The following EPB41L4A variants were observed in gnomAD, a reference collection of about 807,000 sequenced individuals.
EPB41L4A encodes the protein band 4.1-like protein 4A.
Under a neutral mutation model 108.6 loss-of-function variants are expected in EPB41L4A, and 100 were observed. That is an observed-to-expected ratio of 0.92 (90% CI 0.78 to 1.09). The LOEUF (loss-of-function observed/expected upper bound fraction) is 1.09. Among genes scored for constraint, EPB41L4A ranks in the 50% least tolerant of loss-of-function variants. The pLI is 0.00. For synonymous variants in EPB41L4A, 319 were observed against 289.0 expected (o/e 1.10, Z -1.05); for missense variants, 1,030 against 842.7 (o/e 1.22, Z -2.75).
chr5:112,291,233 C>T (rs1753618291), intron 2 of EPB41L4A, among the ~76,000 whole-genome samples: 1 of 152,132 alleles, frequency 6.6e-6, no homozygotes, highest in African/African-American at 2.4e-5. Context: ...CCCACCTTTC[C>T]ACTTCATCAC....
At chr5:112,147,978 G>A (rs1040720954) in intron 12 of EPB41L4A, among the ~76,000 whole-genome samples, 3 of 151,744 alleles carry the variant, frequency 2.0e-5, no homozygotes, top group Non-Finnish European at 4.4e-5. Context: ...GGTGGAGGCT[G>A]CAGTGAGCTG....
At chr5:112,209,218 G>C (rs562885534) in intron 13 of EPB41L4A, among the ~76,000 whole-genome samples, 3 of 152,226 alleles carry the variant, frequency 2.0e-5, no homozygotes, top group African/African-American at 4.8e-5. Context: ...CCCCTATAGA[G>C]AAAGTGAGCT....
chr5:112,279,467 G>A (rs78126926), intron 3 of EPB41L4A, among the ~76,000 whole-genome samples: 1 of 152,334 alleles, frequency 6.6e-6, no homozygotes, highest in African/African-American at 2.4e-5. Context: ...GGGGAACAGA[G>A]TTTCAGTTTA....
At chr5:112,153,853 G>C (rs144315992) in intron 12 of EPB41L4A, among the ~76,000 whole-genome samples, 1 of 150,830 alleles carries the variant, frequency 6.6e-6, no homozygotes, top group East Asian at 1.9e-4. Flanking sequence ...AAATCTTATA[G>C]TTTTATTACT....
chr5:112,381,143 A>G (rs1013132877), intron 1 of EPB41L4A, among the ~76,000 whole-genome samples: 1 of 152,198 alleles, frequency 6.6e-6, no homozygotes, highest in South Asian at 2.1e-4. Flanking sequence ...TCAAGACTAT[A>G]ATACTGCTTC....
In EPB41L4A at chr5:112,250,494, A is replaced by C. The variant is rs1188936072; in HGVS notation, c.795+8735T>G. 2.0e-5 allele frequency: 3 copies of C among 152,290 alleles called. No homozygotes were observed. In the South Asian group the frequency reaches 6.2e-4, roughly 32 times the overall value. The allele number at this position is 152,290 out of a possible 1,614,324, so 9.4% of individuals were successfully genotyped here. A position where few individuals can be genotyped will look rare whatever the true frequency, so the allele number is the denominator to read the frequency against. On this transcript the variant is annotated intron_variant, in intron 9 of 22. Transcript: ENST00000261486. ...TGCAGATTGATTTAATTTTTGTTTT[A>C]ATGATAACTAACTTTTATTCCCAAT...
At chr5:112,240,091 C>A (rs1749660913) in intron 10 of EPB41L4A, among the ~76,000 whole-genome samples, 1 of 152,168 alleles carries the variant, frequency 6.6e-6, no homozygotes, top group African/African-American at 2.4e-5. Flanking sequence ...GTTGCCAGCA[C>A]CTTATTCATC....
At chr5:112,415,741 CAGAT>C (rs1201238200) in intron 1 of EPB41L4A, among the ~76,000 whole-genome samples, 14 of 152,118 alleles carry the variant, frequency 9.2e-5, no homozygotes. Flanking sequence ...GAATAAACAA[CAGAT>C]AGCAGCAAAA....
At chr5:112,197,054 G>A (rs1387912229) in intron 15 of EPB41L4A, 1 of 152,152 alleles carries the variant, frequency 6.6e-6, no homozygotes, top group Non-Finnish European at 1.5e-5. Flanking sequence ...CCCTCCACCA[G>A]TGCTTTGTGG....
rs149154881 is a variant in EPB41L4A at position 112,297,459 on chromosome 5, T to C, written c.204+9927A>G. On this transcript the variant is annotated intron_variant, in intron 2 of 22. Transcript: ENST00000261486. ...TCTTCTTTCGAGAATTGTCCACTCA[T>C]GTCCTTAGTCTACTTTTTGATGGGA... Among the ~76,000 whole-genome samples the C allele has an allele frequency of 9.2e-5, 14 of 152,262 alleles. No individual in the cohort carries two copies. In the East Asian group the frequency reaches 2.7e-3, roughly 29 times the overall value.
At chr5:112,321,042 C>T (rs188206998) in intron 1 of EPB41L4A, among the ~76,000 whole-genome samples, 1 of 152,298 alleles carries the variant, frequency 6.6e-6, no homozygotes, top group East Asian at 1.9e-4. Flanking sequence ...ATCGAGACTT[C>T]AGGGTGTTCA....
chr5:112,326,469 T>TA (rs35211420), intron 1 of EPB41L4A, among the ~76,000 whole-genome samples: 1 of 152,192 alleles, frequency 6.6e-6, no homozygotes, highest in South Asian at 2.1e-4. Flanking sequence ...ATAATTTTAG[T>TA]AAAAAACACT....
intron 14 of EPB41L4A, among the ~76,000 whole-genome samples, chr5:112,205,157 T>C (rs1762411999): frequency 6.6e-6 from 1 of 152,244 alleles, no homozygotes; most frequent in Non-Finnish European, 1.5e-5. Context: ...CAGAAATATA[T>C]TACCTTACAG....
chr5:112,270,058 T>A (rs1752152261), intron 4 of EPB41L4A, among the ~76,000 whole-genome samples: 1 of 152,174 alleles, frequency 6.6e-6, no homozygotes, highest in Admixed American at 6.5e-5. Flanking sequence ...GTACAAGTTG[T>A]TGAGGACCAT....
chr5:112,408,020 C>A (rs1052042837), intron 1 of EPB41L4A, among the ~76,000 whole-genome samples: 1 of 152,110 alleles, frequency 6.6e-6, no homozygotes. Context: ...TCTACCTTAC[C>A]AAGGAACTAG....
Position 112,167,123 on chromosome 5 carries a change from C to CAAAAAAAAAAAAAAAAAAA in EPB41L4A, c.1932+1615_1932+1616insTTTTTTTTTTTTTTTTTTT, listed in dbSNP as rs10642511. ...TATTGAAACCAACTAAAATTTAAGA[C>CAAAAAAAAAAAAAAAAAAA]AAAAAAAAAAAAAAAAACACCGAAA... is the stretch of plus-strand genomic sequence containing the variant. On this transcript the variant is annotated intron_variant, in intron 22 of 22. Coordinates refer to ENST00000261486, the MANE Select transcript of EPB41L4A (RefSeq NM_022140.5). Among the ~76,000 whole-genome samples the CAAAAAAAAAAAAAAAAAAA allele has an allele frequency of 6.3e-5, 7 of 110,588 alleles. 1 individual carries two copies. The highest frequency in any genetic ancestry group is 9.2e-5 in the Non-Finnish European group (5 of 54,094). 72.6% of individuals were successfully genotyped at this position (110,588 alleles called of 152,430 possible). A position where few individuals can be genotyped will look rare whatever the true frequency, so the allele number is the denominator to read the frequency against.
At chr5:112,401,733 T>A (rs73214267) in intron 1 of EPB41L4A, among the ~76,000 whole-genome samples, 1 of 152,268 alleles carries the variant, frequency 6.6e-6, no homozygotes, top group Admixed American at 6.5e-5. Context: ...ACCCAACTAG[T>A]GTCAATGACT....
intron 1 of EPB41L4A, among the ~76,000 whole-genome samples, chr5:112,411,223 G>A (rs1322334583): frequency 1.3e-5 from 2 of 152,090 alleles, no homozygotes; most frequent in African/African-American, 2.4e-5. Flanking sequence ...CAGAAAATAA[G>A]GAAGTTGGGA....
chr5:112,223,089 C>T (rs1481666880), intron 12 of EPB41L4A, among the ~76,000 whole-genome samples: 2 of 151,994 alleles, frequency 1.3e-5, no homozygotes, highest in Admixed American at 6.6e-5. Context: ...CAGGTACACA[C>T]CAACCATGTC....
Sources: allele counts gnomAD v4.1 joint callset (sites outside exome capture counted in the v4.1 genomes callset), GRCh38; gene constraint gnomAD v4.1.1; transcripts MANE v1.5; gene names NCBI Gene and HGNC (gene_info 2026-07-23, HGNC 2026-07-21).